The following SERPINE3 variants were observed in gnomAD, a reference collection of about 807,000 sequenced individuals.
The protein encoded by SERPINE3 is serpin E3.
A neutral mutation model predicts 41.7 loss-of-function variants in SERPINE3; 43 were observed. That is an observed-to-expected ratio of 1.03 (90% CI 0.81 to 1.33). The LOEUF is 1.33. Ranked by LOEUF, SERPINE3 falls within the 40% of genes most tolerant of loss-of-function variation. SERPINE3 has a pLI of 0.00. For missense variants in SERPINE3, 440 were observed against 491.7 expected (o/e 0.89, Z 0.99); for synonymous variants, 200 against 192.2 (o/e 1.04, Z -0.34).
chr13:51,346,809 G>T (rs933811826), intron 4 of SERPINE3, among the ~76,000 whole-genome samples: 1 of 152,232 alleles, frequency 6.6e-6, no homozygotes, highest in Non-Finnish European at 1.5e-5. Flanking sequence ...AGCTCCTGGT[G>T]CCTTGGGTCC....
Position 51,361,355 on chromosome 13 carries a change from G to C in SERPINE3, c.1078G>C (p.Gly360Arg). Residue 360 changes from glycine to arginine, a missense_variant, in exon 8 of 10, where the codon GGA becomes CGA. By Grantham distance (125) the Gly-to-Arg change is moderately radical. Coordinates refer to ENST00000681248, the MANE Select transcript of SERPINE3 (RefSeq NM_001386375.1). ...TTTGGAGGAAGGCACCAAGGCATCT[G>C]GAGCCACAGGTATGTTCAGAGAATA... The part of the protein sequence containing the change: ...EVLEEGTKAS[G>R]ATALLLLKRS... The C allele has an allele frequency of 6.2e-7, 1 of 1,603,250 alleles. No homozygotes were observed. The highest frequency in any genetic ancestry group is 1.1e-5 in the South Asian group (1 of 90,224).
intron 6 of SERPINE3, among the ~76,000 whole-genome samples, chr13:51,352,005 T>C (rs1015864625): frequency 6.6e-6 from 1 of 152,160 alleles, no homozygotes; most frequent in Non-Finnish European, 1.5e-5. Flanking sequence ...TAGATATTTG[T>C]ATATTTGCCA....
chr13:51,364,071 G>A, intron 9 of SERPINE3, 168 bp from the exon 10 acceptor site: 1 of 396,092 alleles, frequency 2.5e-6, no homozygotes. Flanking sequence ...TGGATTTTGT[G>A]TAACTCTCAA....
chr13:51,361,522 T>C, intron 8 of SERPINE3, 158 bp downstream of exon 8: 1 of 610,670 alleles, frequency 1.6e-6, no homozygotes, highest in African/African-American at 1.9e-5. Flanking sequence ...ACAAAAAGTT[T>C]TTGAAAAATG....
rs144960319 is a variant in SERPINE3 at position 51,359,586 on chromosome 13, G to T, written c.1001-1692G>T. Among the ~76,000 whole-genome samples the T allele has an allele frequency of 3.7e-3, 558 of 152,162 alleles. 5 individuals are homozygous for T. Among genetic ancestry groups the T allele is most frequent in the East Asian group, 0.019 (101 of 5,182 alleles). ...CTAACCAGACTCATCCACATCAACT[G>T]GTCTCATTTCTCACACTGCCAAGGT... is the stretch of plus-strand genomic sequence containing the variant. On this transcript the variant is annotated intron_variant, in intron 7 of 9. Transcript: ENST00000681248.
intron 6 of SERPINE3, among the ~76,000 whole-genome samples, chr13:51,352,498 A>G (rs1214336938): frequency 1.3e-5 from 2 of 151,724 alleles, no homozygotes; most frequent in African/African-American, 4.8e-5. Flanking sequence ...TGGATTCTTT[A>G]GGGTTTTCTA....
intron 9 of SERPINE3, chr13:51,362,302 G>T: frequency 4.0e-6 from 1 of 249,340 alleles, no homozygotes; most frequent in Non-Finnish European, 7.5e-6. Flanking sequence ...GTCCTCTTGT[G>T]ATCCTAGTAT....
Position 51,341,234 on chromosome 13 carries a change from C to A in SERPINE3, c.143C>A (p.Thr48Lys). The A allele has an allele frequency of 3.1e-6, 5 of 1,613,946 alleles. 1 individual carries two copies. In the African/African-American group the frequency reaches 4.0e-5, roughly 13 times the overall value. Residue 48 changes from threonine to lysine, a missense_variant, in exon 3 of 10, where the codon ACG (threonine) becomes AAG (lysine). Thr to Lys is a moderately conservative substitution (Grantham distance 78). Coordinates refer to ENST00000681248, the MANE Select transcript of SERPINE3 (RefSeq NM_001386375.1). ...AGTGTGGCCGCGTGTAGAAATGAGACGAACTTTGTCATCTCTCCTGCTGGT... is the reference window on the plus strand; with the variant it reads ...AGTGTGGCCGCGTGTAGAAATGAGAAGAACTTTGTCATCTCTCCTGCTGGT... ...YQSVAACRNE[T>K]NFVISPAGVS...
intron 5 of SERPINE3, among the ~76,000 whole-genome samples, chr13:51,347,956 TCC>T (rs139973827): frequency 2.0e-5 from 3 of 147,166 alleles, no homozygotes; most frequent in East Asian, 2.0e-4. Context: ...TGTGCCATCG[TCC>T]CCCCCCCCAT....
intron 9 of SERPINE3, 95 bp downstream of exon 9, chr13:51,361,988 T>C (rs748854554): frequency 6.2e-7 from 1 of 1,610,706 alleles, no homozygotes; most frequent in African/African-American, 1.3e-5. Flanking sequence ...AAAATAAGCA[T>C]TCTTTCTAGC....
intron 6 of SERPINE3, 64 bp downstream of exon 6, chr13:51,348,475 A>C (rs1474682929): frequency 1.4e-6 from 2 of 1,413,808 alleles, no homozygotes; most frequent in African/African-American, 1.4e-5. Context: ...GTGGATTTGC[A>C]CACAGGTGGT....
intron 3 of SERPINE3, 120 bp downstream of exon 3, chr13:51,341,467 TCACA>T (rs956665269): frequency 2.1e-6 from 2 of 971,654 alleles, no homozygotes; most frequent in Non-Finnish European, 3.0e-6. Flanking sequence ...CTGCTCATAC[TCACA>T]CTCACTCTCT....
intron 7 of SERPINE3, among the ~76,000 whole-genome samples, chr13:51,358,952 A>G (rs986073740): frequency 9.9e-5 from 15 of 152,092 alleles, no homozygotes; most frequent in Admixed American, 6.6e-5. Context: ...AACGCTATGT[A>G]TTATAATTGT....
At chr13:51,346,893 G>C (rs1043709954) in intron 4 of SERPINE3, 132 bp from the exon 5 acceptor site, 9 of 647,228 alleles carry the variant, frequency 1.4e-5, no homozygotes, top group African/African-American at 1.1e-4. Context: ...AAGATGAAGA[G>C]AGAGACCACC....
chr13:51,348,377 C>A lies in SERPINE3; in HGVS notation c.865C>A (p.Leu289Met). Reference sequence around the variant, plus strand: ...CACCATCCACCTCTGGACCACCAGCCTGAGGAGAGCCAGGATGGATGTGTT... The same window carrying A: ...CACCATCCACCTCTGGACCACCAGCATGAGGAGAGCCAGGATGGATGTGTT... ...ASTIHLWTTS[L>M]RRARMDVFLP... Residue 289 changes from leucine to methionine, a missense_variant, in exon 6 of 10, where the codon CTG (leucine) becomes ATG (methionine). Leu to Met is a conservative substitution (Grantham distance 15). Coordinates refer to ENST00000681248, the MANE Select transcript of SERPINE3 (RefSeq NM_001386375.1). The A allele has an allele frequency of 6.2e-7, 1 of 1,613,918 alleles. No individual in the cohort carries two copies. Among genetic ancestry groups the A allele is most frequent in the Non-Finnish European group, 8.5e-7 (1 of 1,179,864 alleles).
intron 6 of SERPINE3, among the ~76,000 whole-genome samples, chr13:51,353,875 CTTTT>C (rs1419230353): frequency 6.6e-6 from 1 of 152,000 alleles, no homozygotes; most frequent in Non-Finnish European, 1.5e-5. Flanking sequence ...CCATTTTGAT[CTTTT>C]TTATTTTCAA....
intron 5 of SERPINE3, among the ~76,000 whole-genome samples, chr13:51,347,829 G>C (rs532263036): frequency 7.6e-4 from 116 of 152,164 alleles, no homozygotes; most frequent in African/African-American, 2.4e-3. Context: ...TCAGTCATCA[G>C]ATCGAGAAAA....
chr13:51,355,006 G>C (rs1955457992), intron 6 of SERPINE3, 37 bp from the exon 7 acceptor site: 1 of 1,076,682 alleles, frequency 9.3e-7, no homozygotes, highest in Non-Finnish European at 1.4e-6. Flanking sequence ...TATTGAGTGA[G>C]AATTTTGAAA....
chr13:51,355,973 T>C (rs1955475776), intron 7 of SERPINE3, among the ~76,000 whole-genome samples: 1 of 152,198 alleles, frequency 6.6e-6, no homozygotes, highest in Admixed American at 6.5e-5. Flanking sequence ...AACATCATAA[T>C]GTGGACTTTT....
Sources: allele counts gnomAD v4.1 joint callset (sites outside exome capture counted in the v4.1 genomes callset), GRCh38; gene constraint gnomAD v4.1.1; transcripts MANE v1.5; gene names NCBI Gene and HGNC (gene_info 2026-07-23, HGNC 2026-07-21).